The following FUT8 variants were observed in gnomAD, a reference collection of about 807,000 sequenced individuals.
FUT8 encodes fucosyltransferase 8, also known as alpha-(1,6)-fucosyltransferase.
In FUT8, 29 loss-of-function variants were observed where a neutral mutation model predicts 71.3. The ratio of observed to expected loss-of-function variants is 0.41; its 90% CI spans 0.30 to 0.55. The LOEUF (loss-of-function observed/expected upper bound fraction) is 0.55. Among genes scored for constraint, FUT8 ranks in the 20% least tolerant of loss-of-function variants. The probability of loss-of-function intolerance (pLI) is 0.34; values close to 1 mark genes in which losing one functional copy is unlikely to be tolerated. For missense variants in FUT8, 544 were observed against 702.1 expected, an observed-to-expected ratio of 0.77 and a Z score of 2.55; for synonymous variants, 254 against 239.3, an observed-to-expected ratio of 1.06 and a Z score of -0.57.
At chr14:65,491,117 C>A (rs192510509) in intron 2 of FUT8, among the ~76,000 whole-genome samples, 1 of 152,068 alleles carries the variant, frequency 6.6e-6, no homozygotes, top group African/African-American at 2.4e-5. Flanking sequence ...ATGGTTCTTA[C>A]CTCAAAGTAC....
At chr14:65,525,892 T>C (rs1366391977) in intron 2 of FUT8, among the ~76,000 whole-genome samples, 2 of 152,234 alleles carry the variant, frequency 1.3e-5, no homozygotes, top group Non-Finnish European at 2.9e-5. Context: ...TTCTTAATCC[T>C]GAGTTCTAGT....
intron 2 of FUT8, among the ~76,000 whole-genome samples, chr14:65,534,767 TC>T (rs1361632102): frequency 6.6e-6 from 1 of 151,772 alleles, no homozygotes; most frequent in Non-Finnish European, 1.5e-5. Context: ...TGTAATAATA[TC>T]CCCCTTTGTT....
intron 3 of FUT8, among the ~76,000 whole-genome samples, chr14:65,592,953 A>G (rs1566840083): frequency 6.6e-6 from 1 of 152,176 alleles, no homozygotes; most frequent in Non-Finnish European, 1.5e-5. Flanking sequence ...TGTTCTATAC[A>G]TGGTATTGGT....
At chr14:65,445,430 T>C (rs575293968) in intron 1 of FUT8, among the ~76,000 whole-genome samples, 3 of 152,282 alleles carry the variant, frequency 2.0e-5, no homozygotes, top group East Asian at 1.9e-4. Flanking sequence ...TATTCTGTTA[T>C]GGCAGCACAA....
the FUT8 span, among the ~76,000 whole-genome samples, chr14:65,361,356 C>CAAAAAAAAAAAA: frequency 2.5e-4 from 16 of 64,986 alleles, no homozygotes; most frequent in African/African-American, 9.9e-4. Context: ...AACTCTGTCT[C>CAAAAAAAAAAAA]AAAAAAAAAA....
intron 7 of FUT8, among the ~76,000 whole-genome samples, chr14:65,711,986 A>G (rs1174373178): frequency 6.6e-6 from 1 of 152,198 alleles, no homozygotes; most frequent in Non-Finnish European, 1.5e-5. Flanking sequence ...GTTCTGGTGA[A>G]TACATTTTAA....
At chr14:65,677,680 TA>T (rs144002774) in intron 7 of FUT8, among the ~76,000 whole-genome samples, 29 of 151,948 alleles carry the variant, frequency 1.9e-4, no homozygotes, top group East Asian at 7.7e-4. Flanking sequence ...AAAGTTTCTT[TA>T]AAAAAAATGG....
chr14:65,557,314 C>T (rs566498389), intron 2 of FUT8, among the ~76,000 whole-genome samples: 20 of 150,440 alleles, frequency 1.3e-4, no homozygotes, highest in East Asian at 1.2e-3. Flanking sequence ...GGCAACATGC[C>T]GAGATTTTGT....
At chr14:65,629,675 A>G in intron 6 of FUT8, 69 bp downstream of exon 6, 1 of 1,099,674 alleles carries the variant, frequency 9.1e-7, no homozygotes, top group Non-Finnish European at 1.4e-6. Flanking sequence ...TAAGAGTAAT[A>G]ATTTCAGTTG....
intron 6 of FUT8, among the ~76,000 whole-genome samples, chr14:65,649,334 T>C (rs561599793): frequency 6.6e-6 from 1 of 152,352 alleles, no homozygotes; most frequent in Non-Finnish European, 1.5e-5. Flanking sequence ...GGGATTGTTT[T>C]ATTTTATTTT....
chr14:65,555,560 A>G (rs916182969), intron 2 of FUT8, among the ~76,000 whole-genome samples: 2 of 151,900 alleles, frequency 1.3e-5, no homozygotes, highest in Admixed American at 1.3e-4. Flanking sequence ...AATTCCCTGA[A>G]CTTTGGTCTT....
chr14:65,650,311 A>C lies in FUT8; in HGVS notation c.598-18932A>C, dbSNP rs867976991. On this transcript the variant is annotated intron_variant, in intron 6 of 10. Transcript: ENST00000673929. ...GAGACTCTGTCTCAAAAAAAAAAAA[A>C]AAAAAAAAAAAAAAAACCTGAGACT... 5.2e-3 allele frequency among the ~76,000 whole-genome samples: 779 copies of C among 148,896 alleles called. 11 individuals are homozygous for C. Among genetic ancestry groups the C allele is most frequent in the African/African-American group, 0.018 (728 of 40,650 alleles).
chr14:65,396,734 C>T, the FUT8 span, among the ~76,000 whole-genome samples: 2 of 152,192 alleles, frequency 1.3e-5, no homozygotes, highest in Non-Finnish European at 2.9e-5. This position sits in a 1 kb window ranked among gnomAD's most constrained non-coding sequence, Gnocchi z 5.5. Flanking sequence ...TGCCAAGACA[C>T]GTGGTTTGGT....
chr14:65,432,884 C>G (rs1276503506), intron 1 of FUT8, among the ~76,000 whole-genome samples: 3 of 152,146 alleles, frequency 2.0e-5, no homozygotes, highest in African/African-American at 7.2e-5. Context: ...AAATAGGCAA[C>G]CAACAGCCCC....
At chr14:65,397,520 G>T in the FUT8 span, among the ~76,000 whole-genome samples, 3 of 152,290 alleles carry the variant, frequency 2.0e-5, no homozygotes, top group East Asian at 5.8e-4. The surrounding 1 kb of genome is among the most constrained non-coding windows in gnomAD (Gnocchi z 4.2). Context: ...GTTTTCTCTG[G>T]GTACTCTGGT....
intron 5 of FUT8, among the ~76,000 whole-genome samples, chr14:65,629,249 G>C (rs1176076617): frequency 6.6e-6 from 1 of 152,168 alleles, no homozygotes; most frequent in African/African-American, 2.4e-5. Flanking sequence ...AACAAGTGCA[G>C]CTGACTAGCT....
chr14:65,583,842 A>G (rs771451057), intron 3 of FUT8, among the ~76,000 whole-genome samples: 3 of 152,094 alleles, frequency 2.0e-5, no homozygotes, highest in Non-Finnish European at 2.9e-5. Flanking sequence ...ACAGCAATTT[A>G]TTTCCATTAA....
At chr14:65,396,033 A>G in the FUT8 span, among the ~76,000 whole-genome samples, 1 of 152,202 alleles carries the variant, frequency 6.6e-6, no homozygotes, top group Non-Finnish European at 1.5e-5. This position sits in a 1 kb window ranked among gnomAD's most constrained non-coding sequence, Gnocchi z 5.5. Flanking sequence ...AAAACCCAGC[A>G]AGAGTCATCT....
chr14:65,551,516 T>C (rs1470089218), intron 2 of FUT8, among the ~76,000 whole-genome samples: 1 of 152,164 alleles, frequency 6.6e-6, no homozygotes, highest in Admixed American at 6.6e-5. Flanking sequence ...AAAAATTTCC[T>C]AAGAGGATAG....
Sources: allele counts gnomAD v4.1 joint callset (sites outside exome capture counted in the v4.1 genomes callset), GRCh38; gene constraint gnomAD v4.1.1; non-coding constraint Gnocchi (gnomAD v3.1); transcripts MANE v1.5; gene names NCBI Gene and HGNC (gene_info 2026-07-23, HGNC 2026-07-21).